Variants in PDE1C observed in about 807,000 individuals in gnomAD.
PDE1C encodes phosphodiesterase 1C.
A neutral mutation model predicts 93.1 loss-of-function variants in PDE1C; 62 were observed. The observed-to-expected ratio is 0.67, with a 90% CI of 0.54 to 0.82. The LOEUF (loss-of-function observed/expected upper bound fraction) is 0.82, where lower values mean the gene tolerates loss of function less well. Among genes scored for constraint, PDE1C ranks in the 40% least tolerant of loss-of-function variants. PDE1C has a pLI of 0.00. For missense variants in PDE1C, 742 were observed against 884.6 expected (o/e 0.84, Z 2.04); for synonymous variants, 325 against 310.1 (o/e 1.05, Z -0.50).
intron 3 of PDE1C, among the ~76,000 whole-genome samples, chr7:32,099,830 A>G (rs1188620098): frequency 2.6e-5 from 4 of 152,026 alleles, no homozygotes; most frequent in Non-Finnish European, 5.9e-5. Context: ...CACTCTCTAC[A>G]TGGGTACCCA....
intron 2 of PDE1C, among the ~76,000 whole-genome samples, chr7:32,021,646 C>T (rs959693355): frequency 6.6e-6 from 1 of 151,976 alleles, no homozygotes; most frequent in Non-Finnish European, 1.5e-5. Flanking sequence ...ATTTTGTGTA[C>T]CAATAAAAAT....
chr7:32,226,933 C>T (rs141575588), intron 1 of PDE1C, among the ~76,000 whole-genome samples: 292 of 152,280 alleles, frequency 1.9e-3, no homozygotes, highest in East Asian at 8.3e-3. Context: ...CAGCCAGGTG[C>T]GGTCAGGGGC....
intron 1 of PDE1C, among the ~76,000 whole-genome samples, chr7:32,240,863 T>C (rs993371204): frequency 2.0e-5 from 3 of 151,722 alleles, no homozygotes; most frequent in South Asian, 2.1e-4. Flanking sequence ...CAAGAGAAAA[T>C]AGCGATTTGG....
chr7:32,147,219 T>G (rs1584853951), intron 3 of PDE1C, among the ~76,000 whole-genome samples: 1 of 131,380 alleles, frequency 7.6e-6, no homozygotes, highest in Non-Finnish European at 1.6e-5. Flanking sequence ...CCATTTAGTG[T>G]GAGCTCATTT....
At chr7:32,042,957 G>A (rs1377543332) in intron 2 of PDE1C, among the ~76,000 whole-genome samples, 1 of 152,172 alleles carries the variant, frequency 6.6e-6, no homozygotes, top group Non-Finnish European at 1.5e-5. Context: ...AACCAGAGAG[G>A]AGCAATTCGG....
At chr7:32,205,602 A>ACC (rs916055866) in intron 2 of PDE1C, among the ~76,000 whole-genome samples, 5 of 68,466 alleles carry the variant, frequency 7.3e-5, no homozygotes, top group Non-Finnish European at 2.0e-4. Context: ...AAGCAGGCCA[A>ACC]CCCCCCAGCC....
intron 2 of PDE1C, among the ~76,000 whole-genome samples, chr7:31,987,657 A>G (rs1293165783): frequency 1.3e-5 from 2 of 152,228 alleles, no homozygotes; most frequent in East Asian, 3.8e-4. Context: ...CTTATTTAGC[A>G]TCACTATGTG....
intron 2 of PDE1C, among the ~76,000 whole-genome samples, chr7:31,909,787 A>G (rs1290969626): frequency 6.6e-6 from 1 of 152,182 alleles, no homozygotes; most frequent in Non-Finnish European, 1.5e-5. Context: ...ACCTTTCCCA[A>G]GGTCACAAAA....
intron 1 of PDE1C, among the ~76,000 whole-genome samples, chr7:32,234,579 A>G (rs925269703): frequency 1.3e-5 from 2 of 152,168 alleles, no homozygotes; most frequent in East Asian, 3.9e-4. Flanking sequence ...TGAAATAGGT[A>G]ACATAAATTA....
chr7:32,157,546 G>GGAT (rs4000176), intron 3 of PDE1C, among the ~76,000 whole-genome samples: 151,696 of 152,288 alleles, frequency 1, 75,557 homozygotes, highest in Middle Eastern at 1. Context: ...AGTGGAGCCA[G>GGAT]CCAAAAAATA....
intron 16 of PDE1C, among the ~76,000 whole-genome samples, chr7:31,803,569 C>T (rs942395845): frequency 2.0e-5 from 3 of 151,806 alleles, no homozygotes; most frequent in African/African-American, 2.4e-5. Flanking sequence ...CACAACAGTC[C>T]CCGGTGTGTG....
At chr7:31,834,949 G>C (rs561681537) in intron 11 of PDE1C, among the ~76,000 whole-genome samples, 3 of 152,044 alleles carry the variant, frequency 2.0e-5, no homozygotes, top group African/African-American at 7.2e-5. Flanking sequence ...GGATGAACCT[G>C]GTGAGAGATA....
In PDE1C at chr7:31,753,547, T is replaced by A. The variant is rs1161829570; in HGVS notation, c.1967A>T (p.Lys656Met). The A allele has an allele frequency of 1.2e-6, 2 of 1,608,892 alleles. No individual in the cohort carries two copies. Among genetic ancestry groups the A allele is most frequent in the South Asian group, 2.2e-5 (2 of 90,338 alleles). ...STCRLTLPVIKPPLRHFKRPA... is the reference protein window; with the variant it reads ...STCRLTLPVIMPPLRHFKRPA... ...GCGTTTAAAATGACGCAAAGGAGGC[T>A]TGATGACTGGCGGCCATGGAAAGGA... The change falls in exon 18 of 18, where the codon AAG becomes ATG. Residue 656 changes from lysine (K) to methionine (M), a missense_variant. Physicochemically the swap from Lys to Met is moderately conservative, Grantham distance 95 (BLOSUM62 -1). Around this residue, in one of 4 missense-constraint regions of PDE1C, gnomAD observed 454 missense variants for 459.4 expected, o/e 0.99. Transcript: ENST00000396191.
intron 2 of PDE1C, among the ~76,000 whole-genome samples, chr7:31,965,601 CAG>C (rs1809797377): frequency 6.6e-6 from 1 of 152,144 alleles, no homozygotes; most frequent in African/African-American, 2.4e-5. Context: ...TCAGGAAATA[CAG>C]AGAAGGCCAC....
chr7:32,299,849 A>G (rs1812838942), upstream of PDE1C, among the ~76,000 whole-genome samples: 1 of 152,210 alleles, frequency 6.6e-6, no homozygotes, highest in Non-Finnish European at 1.5e-5. Flanking sequence ...TGCCCACGGG[A>G]AAAGAGACCA....
chr7:31,693,086 C>A, the PDE1C span, among the ~76,000 whole-genome samples: 1 of 152,164 alleles, frequency 6.6e-6, no homozygotes, highest in Non-Finnish European at 1.5e-5. Flanking sequence ...GATGGATGGG[C>A]CTTTTGCCTA....
At chr7:32,321,427 A>G (rs1783289214) in intron 1 of PDE1C, among the ~76,000 whole-genome samples, 1 of 152,190 alleles carries the variant, frequency 6.6e-6, no homozygotes, top group South Asian at 2.1e-4. Context: ...TTACTCTACT[A>G]TGTTAATTTC....
the PDE1C span, among the ~76,000 whole-genome samples, chr7:31,683,185 G>C: frequency 6.6e-6 from 1 of 152,178 alleles, no homozygotes; most frequent in Non-Finnish European, 1.5e-5. Context: ...CTGTCTTTGA[G>C]ATACTGTGAT....
At chr7:32,410,652 G>A (rs1785150443) in intron 1 of PDE1C, among the ~76,000 whole-genome samples, 1 of 151,070 alleles carries the variant, frequency 6.6e-6, no homozygotes, top group African/African-American at 2.5e-5. Context: ...TTCAGCCAAT[G>A]GGAGGCACTG....
Sources: gnomAD v4.1 joint callset for allele counts (sites outside exome capture counted in the v4.1 genomes callset) on GRCh38, gnomAD v4.1.1 for gene constraint, gnomAD v4.1.1 regional missense constraint, MANE v1.5 for transcripts, NCBI Gene and HGNC (gene_info 2026-07-23, HGNC 2026-07-21) for gene names.